The following GNB5 variants were observed in gnomAD, a reference collection of about 807,000 sequenced individuals.
GNB5 encodes the protein G protein subunit beta 5.
In GNB5, 37 loss-of-function variants were observed where a neutral mutation model predicts 55.3. That is an observed-to-expected ratio of 0.67 (90% CI 0.51 to 0.88). The LOEUF (loss-of-function observed/expected upper bound fraction) is 0.88. Ranked by LOEUF, GNB5 falls within the 40% of genes least tolerant of loss-of-function variation. The probability of loss-of-function intolerance (pLI) is 0.00; values close to 1 mark genes in which losing one functional copy is unlikely to be tolerated. For missense variants in GNB5, 476 were observed against 515.3 expected (o/e 0.92, Z 0.74); for synonymous variants, 219 against 198.5 (o/e 1.10, Z -0.87).
At position 52,135,616 on chromosome 15, in the gene GNB5, A is replaced by C. The variant is rs1241519652; in HGVS notation, c.768T>G (p.Ser256=). Residue 256 remains serine, a synonymous_variant, in exon 8 of 13, where the codon TCT becomes TCG. Transcript: ENST00000261837. ...APSETGNTFV[S]GGCDKKAMVW... The stretch of plus-strand genomic sequence containing the variant: ...GGAATTTCCACTGGGTCTTTACCCC[A>C]GACACGAAGGTGTTTCCAGTTTCTG... 1 of 1,613,700 alleles carries C rather than the reference A, an allele frequency of 6.2e-7. No homozygotes were observed.
rs151212535 is a variant in GNB5, at chr15:52,148,833, C to G, written c.417+1051G>C. ...CAGAGAACGAGCTGAGGTAGCCACT[C>G]TCAGCACAGGGTATCCCAGGCCCCT... is the stretch of plus-strand genomic sequence containing the variant. On this transcript the variant is annotated intron_variant, in intron 5 of 12. Coordinates refer to ENST00000261837, the MANE Select transcript of GNB5 (RefSeq NM_016194.4). 5.3e-4 allele frequency among the ~76,000 whole-genome samples: 81 copies of G among 152,354 alleles called. 1 individual carries two copies. The East Asian group carries it at 0.011, about 20-fold the overall frequency.
At chr15:52,145,953 CTTT>C (rs937011704) in intron 6 of GNB5, among the ~76,000 whole-genome samples, 3 of 127,528 alleles carry the variant, frequency 2.4e-5, no homozygotes, top group East Asian at 2.7e-4. Context: ...TATAATATGA[CTTT>C]TTTTTTTTTT....
At chr15:52,168,131 GTACT>G (rs2034486006) in intron 3 of GNB5, among the ~76,000 whole-genome samples, 1 of 152,196 alleles carries the variant, frequency 6.6e-6, no homozygotes, top group African/African-American at 2.4e-5. Context: ...ATTCAATATA[GTACT>G]GGAAGTTCTG....
chr15:52,184,497 C>T, intron 2 of GNB5, 54 bp downstream of exon 2: 1 of 1,516,628 alleles, frequency 6.6e-7, no homozygotes, highest in Non-Finnish European at 9.1e-7. Context: ...GTCACAGGAC[C>T]CTCGCTTGAC....
intron 3 of GNB5, among the ~76,000 whole-genome samples, chr15:52,155,657 T>C (rs1269905316): frequency 6.6e-6 from 1 of 152,224 alleles, no homozygotes; most frequent in Non-Finnish European, 1.5e-5. Flanking sequence ...TCCAGTTATA[T>C]TTAGCCTCCA....
chr15:52,149,777 G>A (rs1596077537), intron 5 of GNB5, 107 bp downstream of exon 5: 2 of 812,734 alleles, frequency 2.5e-6, no homozygotes, highest in Non-Finnish European at 4.3e-6. Flanking sequence ...CTGCTTGCAG[G>A]GATACATGGA....
At chr15:52,130,822 T>C (rs561148654) in intron 9 of GNB5, among the ~76,000 whole-genome samples, 28 of 152,286 alleles carry the variant, frequency 1.8e-4, no homozygotes, top group African/African-American at 6.5e-4. Flanking sequence ...TGAGAGAGTG[T>C]GCATTTTATT....
chr15:52,172,032 G>A (rs1321503990), intron 3 of GNB5, among the ~76,000 whole-genome samples: 1 of 152,194 alleles, frequency 6.6e-6, no homozygotes, highest in Non-Finnish European at 1.5e-5. Context: ...TGAACACCAT[G>A]TCCTTCCTGG....
Position 52,174,338 on chromosome 15 carries a change from C to T in GNB5, c.238+5430G>A, listed in dbSNP as rs549605329. On this transcript the variant is annotated intron_variant, in intron 3 of 12. Coordinates refer to ENST00000261837, the MANE Select transcript of GNB5 (RefSeq NM_016194.4). ...AGTAGCAATCAGAAATGAATGCACA[C>T]TGTAACCATATGATTCTAAAATGCC... 3.3e-5 allele frequency among the ~76,000 whole-genome samples: 5 copies of T among 152,312 alleles called. No homozygotes were observed. The South Asian group carries it at 1.0e-3, about 32-fold the overall frequency.
chr15:52,149,913 T>C lies in GNB5; in HGVS notation c.388A>G (p.Ile130Val). The change falls in exon 5 of 13, where the codon ATC becomes GTC. Residue 130 changes from isoleucine to valine, a missense_variant. By Grantham distance (29) the Ile-to-Val change is conservative (BLOSUM62 3). Coordinates refer to ENST00000261837, the MANE Select transcript of GNB5 (RefSeq NM_016194.4). ...IVSSSQDGKV[I>V]VWDSFTTNKE... ...TTTGTGGTGAAGGAATCCCACACGA[T>C]CACCTTCCCATCCTGGAGGGAGAAG... 1.2e-6 allele frequency: 2 copies of C among 1,611,904 alleles called. No homozygotes were observed. Among genetic ancestry groups the C allele is most frequent in the Non-Finnish European group, 1.7e-6 (2 of 1,178,006 alleles).
Position 52,121,504 on chromosome 15 carries a change from T to C in GNB5, c.*1253A>G, listed in dbSNP as rs1280831040. The C allele has an allele frequency of 1.0e-4, 5 of 49,080 alleles. No individual in the cohort carries two copies. 3.0% of individuals were successfully genotyped at this position (49,080 alleles called of 1,614,324 possible). A position where few individuals can be genotyped will look rare whatever the true frequency, so the allele number is the denominator to read the frequency against. On this transcript the variant is annotated 3_prime_UTR_variant, in exon 13 of 13. Transcript: ENST00000261837. ...TGAGTCTCAAATAAAGAGAAGATCTTCTTTTAATATCGTTTTTCTATGTAA... is the reference window on the plus strand; with the variant it reads ...TGAGTCTCAAATAAAGAGAAGATCTCCTTTTAATATCGTTTTTCTATGTAA...
chr15:52,125,701 T>A, intron 11 of GNB5: 1 of 364,794 alleles, frequency 2.7e-6, no homozygotes, highest in Non-Finnish European at 4.9e-6. Flanking sequence ...TGACACTTCA[T>A]TGCCTTGAAG....
At chr15:52,160,449 C>T (rs2034307784) in intron 3 of GNB5, among the ~76,000 whole-genome samples, 1 of 152,042 alleles carries the variant, frequency 6.6e-6, no homozygotes, top group Non-Finnish European at 1.5e-5. Context: ...CAACATGACC[C>T]GGAGAGCAAC....
At chr15:52,122,901 C>CACAA (rs1264309702) in intron 12 of GNB5, 133 bp from the exon 13 acceptor site, 1 of 720,420 alleles carries the variant, frequency 1.4e-6, no homozygotes, top group African/African-American at 1.8e-5. Context: ...CACACACACA[C>CACAA]ACACAAACAT....
Position 52,117,102 on chromosome 15 carries a change from A to ATATATTTTTTT in GNB5, c.*5654_*5655insAAAAAAATATA. ...CCACGCCCAGCTAATATATATATAT[A>ATATATTTTTTT]TTTTTTTTTAGTACAGACAGGGTTT... is the stretch of plus-strand genomic sequence containing the variant. On this transcript the variant is annotated 3_prime_UTR_variant, in exon 13 of 13. Coordinates refer to ENST00000261837, the MANE Select transcript of GNB5 (RefSeq NM_016194.4). 5.7e-5 allele frequency: 5 copies of ATATATTTTTTT among 87,098 alleles called. No homozygotes were observed. Among genetic ancestry groups the ATATATTTTTTT allele is most frequent in the African/African-American group, 3.0e-4 (5 of 16,418 alleles). The allele number at this position is 87,098 out of a possible 1,614,324, so 5.4% of individuals were successfully genotyped here.
intron 1 of GNB5, among the ~76,000 whole-genome samples, chr15:52,188,037 C>T (rs1427489799): frequency 6.6e-6 from 1 of 152,056 alleles, no homozygotes; most frequent in African/African-American, 2.4e-5. Context: ...ACATGCCCTA[C>T]ACCAACAACT....
chr15:52,187,934 G>A (rs59195841), intron 1 of GNB5, among the ~76,000 whole-genome samples: 5,363 of 151,826 alleles, frequency 0.035, 328 homozygotes, highest in African/African-American at 0.12. Flanking sequence ...GGGTGACAGA[G>A]TGAGACTCCA....
At chr15:52,184,090 A>G (rs2034811408) in intron 2 of GNB5, among the ~76,000 whole-genome samples, 1 of 152,244 alleles carries the variant, frequency 6.6e-6, no homozygotes, top group Admixed American at 6.5e-5. Flanking sequence ...TTTATTTGCC[A>G]GCTTCTCTTT....
At chr15:52,128,876 C>G (rs1482196420) in intron 9 of GNB5, 1 of 397,434 alleles carries the variant, frequency 2.5e-6, no homozygotes, top group Non-Finnish European at 5.1e-6. Context: ...AAGCCAGAGG[C>G]AGAATGAGAG....
Sources: gnomAD v4.1 joint callset for allele counts (sites outside exome capture counted in the v4.1 genomes callset) on GRCh38, gnomAD v4.1.1 for gene constraint, MANE v1.5 for transcripts, NCBI Gene and HGNC (gene_info 2026-07-23, HGNC 2026-07-21) for gene names.